XIRP2: variants seen among roughly 807,000 people sequenced by gnomAD.
XIRP2 encodes xin actin binding repeat containing 2.
Under a neutral mutation model 277.0 loss-of-function variants are expected in XIRP2, and 236 were observed. That is an observed-to-expected ratio of 0.85 (90% CI 0.77 to 0.95). The LOEUF (loss-of-function observed/expected upper bound fraction) is 0.95. Among genes scored for constraint, XIRP2 ranks in the 40% least tolerant of loss-of-function variants. The probability of loss-of-function intolerance (pLI) is 0.00; values close to 1 mark genes in which losing one functional copy is unlikely to be tolerated. For synonymous variants in XIRP2, 1,490 were observed against 1,416.5 expected (o/e 1.05, Z -1.17); for missense variants, 4,640 against 4,157.5 (o/e 1.12, Z -3.19).
At chr2:167,122,655 G>A (rs948490836) in intron 2 of XIRP2, among the ~76,000 whole-genome samples, 3 of 152,160 alleles carry the variant, frequency 2.0e-5, no homozygotes, top group African/African-American at 7.2e-5. Flanking sequence ...GAGCATTTCT[G>A]AAGACTGCAG....
At chr2:166,960,586 A>C (rs1448887406) in intron 2 of XIRP2, among the ~76,000 whole-genome samples, 1 of 151,722 alleles carries the variant, frequency 6.6e-6, no homozygotes, top group African/African-American at 2.4e-5. Flanking sequence ...GTTCACTTCA[A>C]TTATCTAAAT....
At chr2:166,922,263 G>A (rs1685065615) in intron 2 of XIRP2, among the ~76,000 whole-genome samples, 2 of 152,088 alleles carry the variant, frequency 1.3e-5, no homozygotes, top group Admixed American at 1.3e-4. Context: ...CTACACTCAG[G>A]CCACAGGCCA....
intron 2 of XIRP2, among the ~76,000 whole-genome samples, chr2:166,969,760 A>T (rs1686529422): frequency 6.6e-6 from 1 of 151,882 alleles, no homozygotes; most frequent in Non-Finnish European, 1.5e-5. Context: ...GAGGAAAAAA[A>T]AAAAAGTATA....
intron 2 of XIRP2, among the ~76,000 whole-genome samples, chr2:167,061,473 G>C (rs1249300683): frequency 6.6e-6 from 1 of 152,106 alleles, no homozygotes; most frequent in Non-Finnish European, 1.5e-5. Flanking sequence ...TTAGTGGTAA[G>C]TTTTTGTAGA....
intron 3 of XIRP2, among the ~76,000 whole-genome samples, chr2:167,167,186 C>T (rs1692544927): frequency 3.3e-5 from 5 of 151,784 alleles, no homozygotes; most frequent in Admixed American, 3.3e-4. Flanking sequence ...CATGGTATAC[C>T]TTTCTTTATC....
chr2:167,242,881 G>C lies in XIRP2; in HGVS notation c.1489G>C (p.Glu497Gln). The change falls in exon 9 of 11, where the codon GAA (glutamate) becomes CAA (glutamine). Residue 497 changes from glutamate (E) to glutamine (Q), a missense_variant. Transcript: ENST00000409195. Reference protein sequence around the residue: ...DVYSKQRNLYELNRLYKHIHP... With the variant: ...DVYSKQRNLYQLNRLYKHIHP... Reference sequence around the variant, plus strand: ...ATATTCCAAGCAAAGAAATTTGTATGAATTAAACCGTTTATATAAACACAT... The same window carrying C: ...ATATTCCAAGCAAAGAAATTTGTATCAATTAAACCGTTTATATAAACACAT... The C allele has an allele frequency of 1.2e-6, 2 of 1,614,082 alleles. No homozygotes were observed. The highest frequency in any genetic ancestry group is 1.7e-6 in the Non-Finnish European group (2 of 1,179,988).
intron 2 of XIRP2, among the ~76,000 whole-genome samples, chr2:167,037,566 T>C (rs1470148205): frequency 6.6e-6 from 1 of 151,098 alleles, no homozygotes; most frequent in African/African-American, 2.4e-5. Flanking sequence ...TGTTTTAAGA[T>C]ATTTCAACTT....
chr2:166,975,467 G>A (rs1316522297), intron 2 of XIRP2, among the ~76,000 whole-genome samples: 5 of 151,932 alleles, frequency 3.3e-5, no homozygotes, highest in African/African-American at 9.7e-5. Context: ...CCAGCCTGGC[G>A]ATAGAGCGAG....
At chr2:166,895,864 T>G (rs1337247329) in intron 1 of XIRP2, among the ~76,000 whole-genome samples, 1 of 152,182 alleles carries the variant, frequency 6.6e-6, no homozygotes, top group African/African-American at 2.4e-5. Context: ...TTGTTAAATG[T>G]AATAGTGATT....
intron 8 of XIRP2, 82 bp from the exon 9 acceptor site, chr2:167,242,487 T>G: frequency 6.9e-7 from 1 of 1,439,710 alleles, no homozygotes; most frequent in Non-Finnish European, 9.4e-7. Flanking sequence ...GGGTCCAGGT[T>G]ACAGACCAAT....
At chr2:166,935,812 T>A (rs965667552) in intron 2 of XIRP2, among the ~76,000 whole-genome samples, 2 of 152,196 alleles carry the variant, frequency 1.3e-5, no homozygotes, top group African/African-American at 4.8e-5. Flanking sequence ...CAGTATATCA[T>A]TGATGGACAT....
At chr2:166,903,332 G>A (rs1684431101) in intron 1 of XIRP2, 133 bp from the exon 2 acceptor site, 1 of 807,818 alleles carries the variant, frequency 1.2e-6, no homozygotes, top group African/African-American at 1.7e-5. Context: ...AAATTGTGTG[G>A]AATTGTATAG....
At chr2:167,129,850 A>C (rs920019568) in intron 2 of XIRP2, among the ~76,000 whole-genome samples, 1 of 149,824 alleles carries the variant, frequency 6.7e-6, no homozygotes, top group Non-Finnish European at 1.5e-5. Context: ...AGCCTGAGCA[A>C]GAGTGAAAAA....
chr2:167,001,945 A>G (rs912470784), intron 2 of XIRP2, among the ~76,000 whole-genome samples: 7 of 152,140 alleles, frequency 4.6e-5, no homozygotes, highest in Non-Finnish European at 7.4e-5. Context: ...CATAGGAAAA[A>G]TTACTCTTTA....
Position 167,248,961 on chromosome 2 carries a change from A to G in XIRP2, c.7569A>G (p.Ser2523=), listed in dbSNP as rs781585887. Residue 2523 remains serine, a synonymous_variant, in exon 9 of 11, where the codon TCA becomes TCG. Transcript: ENST00000409195. ...KQIAPLIKSH[S]FPESSGQQNP... is the part of the protein sequence containing the mutation. ...TTGCGCCTCTTATAAAATCTCATTC[A>G]TTTCCAGAGAGTTCAGGACAACAAA... 6.2e-7 allele frequency: 1 copy of G among 1,613,758 alleles called. No individual in the cohort carries two copies. The highest frequency in any genetic ancestry group is 1.7e-5 in the Admixed American group (1 of 59,976).
intron 3 of XIRP2, among the ~76,000 whole-genome samples, chr2:167,208,811 A>G (rs1693935961): frequency 6.6e-6 from 1 of 152,248 alleles, no homozygotes; most frequent in Admixed American, 6.5e-5. Flanking sequence ...TTTATGGATA[A>G]CACACAAAAT....
intron 5 of XIRP2, among the ~76,000 whole-genome samples, chr2:167,223,421 C>T (rs1573971461): frequency 6.6e-6 from 1 of 152,108 alleles, no homozygotes; most frequent in African/African-American, 2.4e-5. Flanking sequence ...CATATATCTG[C>T]TATTGCAAAA....
At chr2:166,952,895 T>G (rs1686071632) in intron 2 of XIRP2, among the ~76,000 whole-genome samples, 1 of 152,034 alleles carries the variant, frequency 6.6e-6, no homozygotes, top group African/African-American at 2.4e-5. Context: ...GAAAAGCTTC[T>G]GTTTCATCAT....
chr2:167,186,363 A>C (rs546157443), intron 3 of XIRP2, among the ~76,000 whole-genome samples: 75 of 152,298 alleles, frequency 4.9e-4, no homozygotes, highest in African/African-American at 1.8e-3. Flanking sequence ...TTTTATTAGT[A>C]AGTATTATAG....
Sources: allele counts gnomAD v4.1 joint callset (sites outside exome capture counted in the v4.1 genomes callset), GRCh38; gene constraint gnomAD v4.1.1; transcripts MANE v1.5; gene names NCBI Gene and HGNC (gene_info 2026-07-23, HGNC 2026-07-21).